PCDHGA1: variants seen among roughly 807,000 people sequenced by gnomAD.
PCDHGA1 encodes protocadherin gamma subfamily A, 1, also known as protocadherin gamma-A1.
In PCDHGA1, 32 loss-of-function variants were observed where a neutral mutation model predicts 58.0. The ratio of observed to expected loss-of-function variants is 0.55; its 90% confidence interval spans 0.42 to 0.74. The LOEUF (loss-of-function observed/expected upper bound fraction) is 0.74, where lower values mean the gene tolerates loss of function less well. Ranked by LOEUF, PCDHGA1 falls within the 30% of genes least tolerant of loss-of-function variation. The pLI is 0.00. For synonymous variants in PCDHGA1, 498 were observed against 501.1 expected (o/e 0.99, Z 0.08); for missense variants, 1,205 against 1,182.3 (o/e 1.02, Z -0.28).
At chr5:141,393,101 C>T (rs891971324) in intron 1 of PCDHGA1, 2 of 1,613,564 alleles carry the variant, frequency 1.2e-6, no homozygotes, top group Non-Finnish European at 1.7e-6. Flanking sequence ...AGGAGCTCTG[C>T]GCTCAGAGCC....
intron 1 of PCDHGA1, among the ~76,000 whole-genome samples, chr5:141,456,287 C>T (rs951430060): frequency 1.3e-5 from 2 of 152,048 alleles, no homozygotes; most frequent in Non-Finnish European, 2.9e-5. Flanking sequence ...TGAAAAGGGG[C>T]GTCTAATGGA....
intron 1 of PCDHGA1, chr5:141,340,204 C>A (rs756707441): frequency 9.9e-6 from 16 of 1,613,976 alleles, no homozygotes; most frequent in Non-Finnish European, 1.4e-5. Flanking sequence ...GAGCCCTTGA[C>A]AGGGAACAGT....
intron 1 of PCDHGA1, among the ~76,000 whole-genome samples, chr5:141,468,747 T>A (rs2099176715): frequency 6.6e-6 from 1 of 151,990 alleles, no homozygotes; most frequent in South Asian, 2.1e-4. Context: ...GTGCCTGTAG[T>A]CCCAGCTACT....
chr5:141,423,141 G>T (rs2096714253), intron 1 of PCDHGA1: 6 of 1,613,580 alleles, frequency 3.7e-6, no homozygotes, highest in East Asian at 2.2e-5. Context: ...ACAGAGACGC[G>T]CTCAAGCAGA....
chr5:141,385,351 T>C, intron 1 of PCDHGA1: 1 of 1,555,976 alleles, frequency 6.4e-7, no homozygotes, highest in Non-Finnish European at 8.7e-7. Flanking sequence ...TTTATTTCCA[T>C]GAGGAATTTA....
At chr5:141,434,497 G>A (rs986672351) in intron 1 of PCDHGA1, among the ~76,000 whole-genome samples, 2 of 152,214 alleles carry the variant, frequency 1.3e-5, no homozygotes, top group African/African-American at 4.8e-5. Context: ...CCCGCCCAGG[G>A]CAGAAAACTG....
chr5:141,508,910 A>T (rs2099872999), intron 3 of PCDHGA1, among the ~76,000 whole-genome samples: 1 of 151,906 alleles, frequency 6.6e-6, no homozygotes, highest in Non-Finnish European at 1.5e-5. Context: ...GCGGTGGCGG[A>T]TCTGGCTTCC....
At chr5:141,445,046 G>A (rs181806844) in intron 1 of PCDHGA1, among the ~76,000 whole-genome samples, 1 of 152,248 alleles carries the variant, frequency 6.6e-6, no homozygotes, top group East Asian at 1.9e-4. Context: ...AGTTTTCAGT[G>A]TAGAGAGGTC....
intron 1 of PCDHGA1, chr5:141,357,786 T>C (rs779369943): frequency 5.2e-5 from 44 of 847,236 alleles, no homozygotes; most frequent in Non-Finnish European, 7.3e-5. Flanking sequence ...TCAACAGTAT[T>C]TACCACACAA....
At position 141,393,532 on chromosome 5, in the gene PCDHGA1, C is replaced by G. The variant is rs1411410420; in HGVS notation, c.2421+60427C>G. 1.4e-5 allele frequency: 23 copies of G among 1,613,886 alleles called. No homozygotes were observed. Among genetic ancestry groups the G allele is most frequent in the Non-Finnish European group, 1.9e-5 (23 of 1,179,916 alleles). On this transcript the variant is annotated intron_variant, in intron 1 of 3. Transcript: ENST00000517417. The stretch of plus-strand genomic sequence containing the variant: ...GTGTTGGATACAAATGACAATGCCC[C>G]GGTTTTTCCTCACCCGATTTACCGA...
chr5:141,352,691 T>C (rs1268868403), intron 1 of PCDHGA1: 1 of 1,558,116 alleles, frequency 6.4e-7, no homozygotes, highest in East Asian at 2.4e-5. Flanking sequence ...CAAATCTAGT[T>C]AAATTTTATA....
rs747205741 is a variant in PCDHGA1, at chr5:141,384,243, C to A, written c.2421+51138C>A. On this transcript the variant is annotated intron_variant, in intron 1 of 3. Coordinates refer to ENST00000517417, the MANE Select transcript of PCDHGA1 (RefSeq NM_018912.3). ...TGCAGGTGGCAGACACCAACGATAA[C>A]CCACCCACCTTCCCCCACTCATCCT... 3.5e-5 allele frequency: 56 copies of A among 1,613,762 alleles called. 1 individual carries two copies. The South Asian group carries it at 6.0e-4, about 17-fold the overall frequency.
chr5:141,362,170 C>A, intron 1 of PCDHGA1: 1 of 1,614,036 alleles, frequency 6.2e-7, no homozygotes, highest in Non-Finnish European at 8.5e-7. Flanking sequence ...CAGCGACCGC[C>A]GGGAGCCCTC....
intron 1 of PCDHGA1, chr5:141,408,114 C>T (rs1191565539): frequency 5.5e-6 from 8 of 1,460,968 alleles, no homozygotes; most frequent in South Asian, 1.4e-5. Context: ...CGGGACTCCT[C>T]CTGTCCTGGG....
intron 1 of PCDHGA1, among the ~76,000 whole-genome samples, chr5:141,475,253 A>C (rs2099360990): frequency 6.6e-6 from 1 of 152,200 alleles, no homozygotes; most frequent in Non-Finnish European, 1.5e-5. Flanking sequence ...GTGCTCTACA[A>C]CTGAGATCAT....
intron 1 of PCDHGA1, chr5:141,394,389 C>T (rs750588570): frequency 2.6e-5 from 42 of 1,614,118 alleles, no homozygotes; most frequent in Non-Finnish European, 3.5e-5. Flanking sequence ...TGAGCAGATC[C>T]GAGACCTGCA....
chr5:141,386,109 A>T (rs866004779), intron 1 of PCDHGA1: 1 of 152,246 alleles, frequency 6.6e-6, no homozygotes, highest in Non-Finnish European at 1.5e-5. Context: ...TCTGTGGGCT[A>T]TCAAAGTGGG....
At chr5:141,372,610 T>A in intron 1 of PCDHGA1, 3 of 1,613,984 alleles carry the variant, frequency 1.9e-6, no homozygotes, top group Non-Finnish European at 2.5e-6. Flanking sequence ...GTACCTGGAG[T>A]TCTCCCCACC....
intron 1 of PCDHGA1, chr5:141,427,689 A>C (rs3749765): frequency 0.15 from 132,103 of 873,882 alleles, 11,769 homozygotes; most frequent in African/African-American, 0.33. Flanking sequence ...CGGAGCCTCC[A>C]TCCCACAAGT....
Sources: gnomAD v4.1 joint callset for allele counts (sites outside exome capture counted in the v4.1 genomes callset) on GRCh38, gnomAD v4.1.1 for gene constraint, MANE v1.5 for transcripts, NCBI Gene and HGNC (gene_info 2026-07-23, HGNC 2026-07-21) for gene names.